The following SLC13A4 variants were observed in gnomAD, a reference collection of about 807,000 sequenced individuals.
SLC13A4 encodes Na(+)/sulfate cotransporter SUT-1.
A neutral mutation model predicts 72.7 loss-of-function variants in SLC13A4; 28 were observed. The ratio of observed to expected loss-of-function variants is 0.39; its 90% confidence interval spans 0.29 to 0.53. The LOEUF (loss-of-function observed/expected upper bound fraction) is 0.53, where lower values mean the gene tolerates loss of function less well. Ranked by LOEUF, SLC13A4 falls within the 20% of genes least tolerant of loss-of-function variation. The pLI, the probability that SLC13A4 is intolerant of heterozygous loss-of-function variation, is 0.78. For missense variants in SLC13A4, 653 were observed against 788.0 expected, an observed-to-expected ratio of 0.83 and a Z score of 2.05; for synonymous variants, 312 against 325.5, an observed-to-expected ratio of 0.96 and a Z score of 0.45.
At chr7:135,723,163 G>A (rs919105423) in intron 1 of SLC13A4, among the ~76,000 whole-genome samples, 6 of 152,048 alleles carry the variant, frequency 3.9e-5, no homozygotes, top group African/African-American at 9.7e-5. Flanking sequence ...TCTGGTTCTC[G>A]TTGCTCTTGG....
In SLC13A4 at chr7:135,724,502, A is replaced by G. The variant is rs1371421712; in HGVS notation, c.99+2896T>C. On this transcript the variant is annotated intron_variant, in intron 1 of 15. Coordinates refer to ENST00000682651, the MANE Select transcript of SLC13A4 (RefSeq NM_001318192.2). ...TGACAGAGTGAGACTCTGTCTCAGA[A>G]AAAAAAAAAAAAAAAAAAAAGAAGA... Among the ~76,000 whole-genome samples, 4 of 14,116 alleles carry G rather than the reference A, an allele frequency of 2.8e-4. No individual in the cohort carries two copies. The African/African-American group carries it at 3.8e-3, about 13-fold the overall frequency. The allele number at this position is 14,116 out of a possible 152,430, so 9.3% of individuals were successfully genotyped here.
chr7:135,692,662 C>G (rs569419749), intron 10 of SLC13A4: 1 of 491,872 alleles, frequency 2.0e-6, no homozygotes, highest in South Asian at 2.6e-5. Flanking sequence ...GAGAACACAG[C>G]ACTGTACATT....
At chr7:135,702,736 G>T in intron 6 of SLC13A4, 109 bp downstream of exon 6, 1 of 889,810 alleles carries the variant, frequency 1.1e-6, no homozygotes, top group South Asian at 1.4e-5. Context: ...GGAACTCTAA[G>T]GTGGATCTGT....
intron 9 of SLC13A4, among the ~76,000 whole-genome samples, chr7:135,694,550 C>A (rs926716145): frequency 6.6e-6 from 1 of 152,084 alleles, no homozygotes; most frequent in Non-Finnish European, 1.5e-5. Context: ...TTGTCTTTTA[C>A]GTAAGTAAAA....
At position 135,721,243 on chromosome 7, in the gene SLC13A4, G is replaced by T; in HGVS notation, c.228+152C>A. On this transcript the variant is annotated intron_variant, in intron 2 of 15. Coordinates refer to ENST00000682651, the MANE Select transcript of SLC13A4 (RefSeq NM_001318192.2). The stretch of plus-strand genomic sequence containing the variant: ...GGAGAGGAATTCAGGGTCTAGAACT[G>T]CAGGTGCCAAAGCTTAGTGTTAAGG... 6.2e-6 allele frequency: 5 copies of T among 811,232 alleles called. 1 individual carries two copies. The South Asian group carries it at 8.9e-5, about 14-fold the overall frequency. 50.3% of individuals were successfully genotyped at this position (811,232 alleles called of 1,614,324 possible).
chr7:135,681,429 T>A lies in SLC13A4; in HGVS notation c.*134A>T, dbSNP rs903905262. ...GTTCACTTGAGGTGGCGGAATCTTC[T>A]GGTGGAGGGATGCCCTCCGGCGTGG... On this transcript the variant is annotated 3_prime_UTR_variant, in exon 16 of 16. Coordinates refer to ENST00000682651, the MANE Select transcript of SLC13A4 (RefSeq NM_001318192.2). 11 of 1,109,722 alleles carry A rather than the reference T, an allele frequency of 9.9e-6. No homozygotes were observed. In the Admixed American group the frequency reaches 1.5e-4, roughly 15 times the overall value. The allele number at this position is 1,109,722 out of a possible 1,614,324, so 68.7% of individuals were successfully genotyped here.
In SLC13A4 at chr7:135,723,656, C is replaced by T. The variant is rs1489006774; in HGVS notation, c.100-2133G>A. Among the ~76,000 whole-genome samples the T allele has an allele frequency of 4.6e-5, 7 of 152,122 alleles. No homozygotes were observed. In the East Asian group the frequency reaches 1.3e-3, roughly 29 times the overall value. ...TATGGCCCCTTGAGTTCAGAACACG[C>T]GTCCTCAAACTCTTGCATAAAAGTT... On this transcript the variant is annotated intron_variant, in intron 1 of 15. Coordinates refer to ENST00000682651, the MANE Select transcript of SLC13A4 (RefSeq NM_001318192.2).
intron 2 of SLC13A4, among the ~76,000 whole-genome samples, chr7:135,708,917 ATTTTTTTTTTTTT>A (rs59407311): frequency 2.8e-5 from 2 of 71,446 alleles, no homozygotes; most frequent in African/African-American, 5.8e-5. Flanking sequence ...GTCTTGCTCA[ATTTTTTTTTTTTT>A]TTTTTTTTTT....
In SLC13A4 at chr7:135,708,157, T is replaced by C; in HGVS notation, c.322A>G (p.Ile108Val). The change falls in exon 3 of 16, where the codon ATT becomes GTT. Residue 108 changes from isoleucine (I) to valine (V), a missense_variant. Ile to Val is a conservative substitution (Grantham distance 29). Coordinates refer to ENST00000682651, the MANE Select transcript of SLC13A4 (RefSeq NM_001318192.2). ...GCCATCAAGACCATGCGCAGAGCAA[T>C]GCGCTTATGCAGGTTCCACTTCTCC... ...AVEKWNLHKR[I>V]ALRMVLMAGA... 6.2e-7 allele frequency: 1 copy of C among 1,614,172 alleles called. No individual in the cohort carries two copies. The highest frequency in any genetic ancestry group is 1.1e-5 in the South Asian group (1 of 91,078).
intron 6 of SLC13A4, chr7:135,702,139 G>A (rs1474718122): frequency 3.0e-5 from 5 of 164,454 alleles, no homozygotes; most frequent in East Asian, 3.7e-4. Flanking sequence ...GGGTCTCACT[G>A]TGTTGTCCAG....
chr7:135,703,181 G>T (rs1243309626), intron 5 of SLC13A4: 3 of 400,572 alleles, frequency 7.5e-6, no homozygotes, highest in Non-Finnish European at 9.0e-6. Context: ...CACATATATG[G>T]GCTTTAACCC....
At chr7:135,708,386 A>G in intron 2 of SLC13A4, 136 bp from the exon 3 acceptor site, 1 of 1,215,436 alleles carries the variant, frequency 8.2e-7, no homozygotes, top group South Asian at 1.5e-5. Context: ...CAGGGGGGTG[A>G]GGATTATTGA....
chr7:135,702,982 C>T (rs1796076131), intron 5 of SLC13A4, 98 bp from the exon 6 acceptor site: 5 of 845,040 alleles, frequency 5.9e-6, no homozygotes, highest in South Asian at 1.4e-5. Flanking sequence ...GGGACTTAAA[C>T]TCTCTGGATT....
intron 2 of SLC13A4, among the ~76,000 whole-genome samples, chr7:135,715,526 T>A (rs1796415439): frequency 7.3e-6 from 1 of 136,098 alleles, no homozygotes; most frequent in Non-Finnish European, 1.6e-5. Flanking sequence ...AGTGTGTGAG[T>A]GTGTGCCAGT....
intron 2 of SLC13A4, among the ~76,000 whole-genome samples, chr7:135,711,748 G>GTGTTTT (rs138082425): frequency 6.6e-6 from 1 of 151,928 alleles, no homozygotes; most frequent in African/African-American, 2.4e-5. Context: ...ATTTCTTGTC[G>GTGTTTT]TGTTTTTGTT....
At chr7:135,707,994 G>C in intron 3 of SLC13A4, 120 bp downstream of exon 3, 4 of 1,302,920 alleles carry the variant, frequency 3.1e-6, no homozygotes, top group Non-Finnish European at 4.3e-6. Flanking sequence ...GTGTCAGCCC[G>C]ACCCTTTGGT....
chr7:135,713,896 GA>G (rs1051783158), intron 2 of SLC13A4, among the ~76,000 whole-genome samples: 49 of 152,208 alleles, frequency 3.2e-4, no homozygotes, highest in African/African-American at 1.1e-3. Flanking sequence ...ATTTTGCAGT[GA>G]AATTCTCTGA....
chr7:135,706,128 T>C lies in SLC13A4; in HGVS notation c.538A>G (p.Ser180Gly). The change falls in exon 4 of 16, where the codon AGT (serine) becomes GGT (glycine). Residue 180 changes from serine to glycine, a missense_variant and splice_region_variant. Transcript: ENST00000682651. Reference sequence around the variant, plus strand: ...AGAGATGAACTCCAGCAAACTGTACTGATGGGTTCGGCCTCTTCGGTGTTG... The same window carrying C: ...AGAGATGAACTCCAGCAAACTGTACCGATGGGTTCGGCCTCTTCGGTGTTG... The part of the protein sequence containing the change: ...NSNTEEAEPI[S>G]LDVKNSQPSL... 1.9e-6 allele frequency: 3 copies of C among 1,591,160 alleles called. No individual in the cohort carries two copies. Among genetic ancestry groups the C allele is most frequent in the East Asian group, 2.3e-5 (1 of 44,398 alleles).
At chr7:135,696,518 A>G (rs1268280730) in intron 8 of SLC13A4, among the ~76,000 whole-genome samples, 2 of 151,954 alleles carry the variant, frequency 1.3e-5, no homozygotes, top group African/African-American at 4.8e-5. Context: ...ATGCCCAGCT[A>G]ATTTTTGTAT....
Sources: gnomAD v4.1 joint callset for allele counts (sites outside exome capture counted in the v4.1 genomes callset) on GRCh38, gnomAD v4.1.1 for gene constraint, MANE v1.5 for transcripts, NCBI Gene and HGNC (gene_info 2026-07-23, HGNC 2026-07-21) for gene names.